Variants in OSBPL2 observed in about 807,000 individuals in gnomAD.
The protein encoded by OSBPL2 is oxysterol-binding protein-related protein 2.
OSBPL2 carries 18 observed loss-of-function variants against 58.4 expected under a neutral mutation model. The ratio of observed to expected loss-of-function variants is 0.31; its 90% CI spans 0.21 to 0.46. The LOEUF (loss-of-function observed/expected upper bound fraction) is 0.46, where lower values mean the gene tolerates loss of function less well. OSBPL2 is among the 20% of genes least tolerant of loss of function. The pLI is 1.00. For missense variants in OSBPL2, 461 were observed against 616.5 expected (o/e 0.75, Z 2.67); for synonymous variants, 221 against 234.1 (o/e 0.94, Z 0.51).
chr20:62,247,669 CTT>C (rs768433967), intron 1 of OSBPL2, among the ~76,000 whole-genome samples: 42 of 140,934 alleles, frequency 3.0e-4, no homozygotes, highest in Admixed American at 5.0e-4. Flanking sequence ...TTCTTTCTTT[CTT>C]TTTTTTTTTT....
At position 62,279,600 on chromosome 20, in the gene OSBPL2, G is replaced by A. The variant is rs533562998; in HGVS notation, c.674+261G>A. ...TGTATGACCAGGGTCCCATGTTGCT[G>A]GGGTGCATCCTCACGTCTGCAGTTG... On this transcript the variant is annotated intron_variant, in intron 7 of 13. Coordinates refer to ENST00000313733, the MANE Select transcript of OSBPL2 (RefSeq NM_144498.4). The A allele has an allele frequency of 7.6e-4, 412 of 538,680 alleles. 4 individuals carry two copies. Among genetic ancestry groups the A allele is most frequent in the African/African-American group, 6.8e-3 (357 of 52,796 alleles). The allele number at this position is 538,680 out of a possible 1,614,324, so 33.4% of individuals were successfully genotyped here.
At chr20:62,246,169 G>A (rs138887367) in intron 1 of OSBPL2, among the ~76,000 whole-genome samples, 3 of 152,388 alleles carry the variant, frequency 2.0e-5, no homozygotes, top group Non-Finnish European at 2.9e-5. Flanking sequence ...ACCCTCTGGT[G>A]GGGCTGGTCA....
intron 11 of OSBPL2, among the ~76,000 whole-genome samples, chr20:62,287,194 A>AAT (rs1983192425): frequency 1.3e-5 from 2 of 149,920 alleles, no homozygotes; most frequent in Admixed American, 1.3e-4. Context: ...ATTTTTATTA[A>AAT]ATATATGATA....
intron 11 of OSBPL2, among the ~76,000 whole-genome samples, chr20:62,287,518 G>A (rs1406425036): frequency 1.3e-5 from 2 of 152,178 alleles, no homozygotes; most frequent in Non-Finnish European, 1.5e-5. Context: ...GTGCAGTGGT[G>A]TGATCTTGGC....
Position 62,272,123 on chromosome 20 carries a change from A to G in OSBPL2, c.259-2A>G. On this transcript the variant is annotated splice_acceptor_variant, in intron 4 of 13. Coordinates refer to ENST00000313733, the MANE Select transcript of OSBPL2 (RefSeq NM_144498.4). LOFTEE classifies it high-confidence loss of function. Reference sequence around the variant, plus strand: ...ACCAGCGAGTCTTCCCCATCTTTCCAGGAGCTGTCCAAGATCACGATGCCA... The same window carrying G: ...ACCAGCGAGTCTTCCCCATCTTTCCGGGAGCTGTCCAAGATCACGATGCCA... 6.2e-7 allele frequency: 1 copy of G among 1,613,664 alleles called. No homozygotes were observed. Among genetic ancestry groups the G allele is most frequent in the Middle Eastern group, 1.7e-4 (1 of 6,058 alleles).
chr20:62,279,718 A>G (rs1157110677), intron 7 of OSBPL2, among the ~76,000 whole-genome samples: 1 of 152,230 alleles, frequency 6.6e-6, no homozygotes, highest in Non-Finnish European at 1.5e-5. Flanking sequence ...CCAGGCTGGC[A>G]GGTGTCTGAG....
chr20:62,264,128 A>G (rs1196105444), intron 4 of OSBPL2, among the ~76,000 whole-genome samples: 2 of 152,126 alleles, frequency 1.3e-5, no homozygotes, highest in Non-Finnish European at 2.9e-5. Context: ...AGATTAAGAC[A>G]ATAAAACAGG....
chr20:62,240,345 CCT>C (rs1313971967), intron 1 of OSBPL2, among the ~76,000 whole-genome samples: 1 of 152,108 alleles, frequency 6.6e-6, no homozygotes, highest in Non-Finnish European at 1.5e-5. Flanking sequence ...TAGAATTTAC[CCT>C]GTTTTCTTCA....
Position 62,295,480 on chromosome 20 carries a change from C to T in OSBPL2, c.*1593C>T, listed in dbSNP as rs936963005. On this transcript the variant is annotated 3_prime_UTR_variant, in exon 14 of 14. Transcript: ENST00000313733. This position sits in a 1 kb window ranked among gnomAD's most constrained non-coding sequence, Gnocchi z 4.8. ...GGAAGCACTTCTGGAAGTGAACACT[C>T]GTTTTGAAAGCTTGATTTTGTAGCT... The T allele has an allele frequency of 3.3e-5, 5 of 152,252 alleles. No homozygotes were observed. The highest frequency in any genetic ancestry group is 3.4e-3 in the Middle Eastern group (1 of 294). 9.4% of individuals were successfully genotyped at this position (152,252 alleles called of 1,614,324 possible). A position where few individuals can be genotyped will look rare whatever the true frequency, so the allele number is the denominator to read the frequency against.
In OSBPL2 at chr20:62,267,388, A is replaced by G. The variant is rs371658375; in HGVS notation, c.258+3697A>G. Reference sequence around the variant, plus strand: ...TGTCTTCCAGTCCACAAATTGTTCCATCTTTGGTCAGTGAGAGTCTCTTCA... The same window carrying G: ...TGTCTTCCAGTCCACAAATTGTTCCGTCTTTGGTCAGTGAGAGTCTCTTCA... On this transcript the variant is annotated intron_variant, in intron 4 of 13. Coordinates refer to ENST00000313733, the MANE Select transcript of OSBPL2 (RefSeq NM_144498.4). Among the ~76,000 whole-genome samples, 5 of 152,242 alleles carry G rather than the reference A, an allele frequency of 3.3e-5. No homozygotes were observed. The East Asian group carries it at 7.7e-4, about 24-fold the overall frequency.
intron 3 of OSBPL2, among the ~76,000 whole-genome samples, chr20:62,262,523 G>A (rs534455792): frequency 6.6e-6 from 1 of 152,370 alleles, no homozygotes; most frequent in South Asian, 2.1e-4. Flanking sequence ...ATGTGTGCAC[G>A]GACGATGGCG....
At chr20:62,284,704 G>A (rs1460012474) in intron 10 of OSBPL2, 1 of 153,404 alleles carries the variant, frequency 6.5e-6, no homozygotes, top group Non-Finnish European at 1.5e-5. Context: ...TGGTTGCACG[G>A]AGGCTGCTGC....
At chr20:62,244,511 C>T (rs540804296) in intron 1 of OSBPL2, among the ~76,000 whole-genome samples, 2 of 152,342 alleles carry the variant, frequency 1.3e-5, no homozygotes, top group African/African-American at 4.8e-5. Context: ...GTCTCGTGGG[C>T]CGCATTGGAA....
Position 62,270,092 on chromosome 20 carries a change from C to T in OSBPL2, c.259-2033C>T, listed in dbSNP as rs867944962. 7.9e-5 allele frequency among the ~76,000 whole-genome samples: 12 copies of T among 152,332 alleles called. No homozygotes were observed. The Middle Eastern group carries it at 0.01, about 130-fold the overall frequency. On this transcript the variant is annotated intron_variant, in intron 4 of 13. Coordinates refer to ENST00000313733, the MANE Select transcript of OSBPL2 (RefSeq NM_144498.4). Reference sequence around the variant, plus strand: ...GGAACCTCGCGGCCCAGGCAGAGCGCGTCCTTGTGGTGCTGTGCACACCCC... The same window carrying T: ...GGAACCTCGCGGCCCAGGCAGAGCGTGTCCTTGTGGTGCTGTGCACACCCC...
Position 62,248,206 on chromosome 20 carries a change from G to C in OSBPL2, c.-128-7851G>C, listed in dbSNP as rs1217637431. On this transcript the variant is annotated intron_variant, in intron 1 of 13. Transcript: ENST00000313733. ...GTCTCGCTCTGTTGCCCAGGCTGGAGTGCAATGGCTAAATCTTGGCTCATT... is the reference window on the plus strand; with the variant it reads ...GTCTCGCTCTGTTGCCCAGGCTGGACTGCAATGGCTAAATCTTGGCTCATT... 5.1e-5 allele frequency among the ~76,000 whole-genome samples: 7 copies of C among 136,998 alleles called. No individual in the cohort carries two copies. The East Asian group carries it at 1.5e-3, about 28-fold the overall frequency. The allele number at this position is 136,998 out of a possible 152,430, so 89.9% of individuals were successfully genotyped here. A position where few individuals can be genotyped will look rare whatever the true frequency, so the allele number is the denominator to read the frequency against.
At position 62,262,005 on chromosome 20, in the gene OSBPL2, C is replaced by T. The variant is rs1206110885; in HGVS notation, c.183-1611C>T. On this transcript the variant is annotated intron_variant, in intron 3 of 13. Transcript: ENST00000313733. ...ACCTCCTCAAGTGATCCACCTGCCT[C>T]GGCCTCCCAAAGTATTGTGATTAAA... 3.3e-5 allele frequency among the ~76,000 whole-genome samples: 5 copies of T among 152,064 alleles called. No homozygotes were observed. The East Asian group carries it at 5.8e-4, about 18-fold the overall frequency.
At chr20:62,289,371 AC>A in intron 12 of OSBPL2, 41 bp downstream of exon 12, 1 of 1,602,184 alleles carries the variant, frequency 6.2e-7, no homozygotes, top group Non-Finnish European at 8.5e-7. Flanking sequence ...GGGGCCAAGG[AC>A]GCCCTGGCTA....
At chr20:62,246,130 C>CGCT (rs1980096494) in intron 1 of OSBPL2, among the ~76,000 whole-genome samples, 1 of 152,250 alleles carries the variant, frequency 6.6e-6, no homozygotes, top group South Asian at 2.1e-4. Flanking sequence ...CCTCTGCTCT[C>CGCT]GCTGCTGCCG....
intron 2 of OSBPL2, among the ~76,000 whole-genome samples, chr20:62,259,686 C>T (rs543946648): frequency 6.6e-6 from 1 of 152,132 alleles, no homozygotes; most frequent in Non-Finnish European, 1.5e-5. Flanking sequence ...TGAAAGGGTT[C>T]CTTCTGGAAG....
Sources: allele counts gnomAD v4.1 joint callset (sites outside exome capture counted in the v4.1 genomes callset), GRCh38; gene constraint gnomAD v4.1.1; non-coding constraint Gnocchi (gnomAD v3.1); transcripts MANE v1.5; gene names NCBI Gene and HGNC (gene_info 2026-07-23, HGNC 2026-07-21).